LIPG: variants seen among roughly 807,000 people sequenced by gnomAD.
LIPG encodes the protein endothelial lipase.
In LIPG, 34 loss-of-function variants were observed where a neutral mutation model predicts 51.8. The ratio of observed to expected loss-of-function variants is 0.66; its 90% CI spans 0.50 to 0.87. LIPG has a LOEUF of 0.87. Ranked by LOEUF, LIPG falls within the 40% of genes least tolerant of loss-of-function variation. LIPG has a pLI of 0.00. For missense variants in LIPG, 580 were observed against 652.7 expected (o/e 0.89, Z 1.21); for synonymous variants, 246 against 246.1 (o/e 1.00, Z 0.00).
intron 1 of LIPG, among the ~76,000 whole-genome samples, chr18:49,563,078 T>C (rs1600539897): frequency 6.6e-6 from 1 of 152,140 alleles, no homozygotes; most frequent in Admixed American, 6.5e-5. Context: ...CAGCTTGCCC[T>C]GGGGGAGCCA....
chr18:49,563,147 A>T (rs529553835), intron 1 of LIPG, among the ~76,000 whole-genome samples: 1 of 152,322 alleles, frequency 6.6e-6, no homozygotes, highest in Non-Finnish European at 1.5e-5. Flanking sequence ...GCTGATAAGC[A>T]GTGGAGGGCT....
chr18:49,588,566 C>T (rs540592608), intron 9 of LIPG, among the ~76,000 whole-genome samples: 16 of 152,294 alleles, frequency 1.1e-4, no homozygotes, highest in South Asian at 1.0e-3. Context: ...TCCAAAAGTG[C>T]TGGCATTACA....
At chr18:49,562,477 C>A in intron 1 of LIPG, 72 bp downstream of exon 1, 1 of 1,303,042 alleles carries the variant, frequency 7.7e-7, no homozygotes, top group Non-Finnish European at 1.1e-6. Flanking sequence ...GCTGATTCTT[C>A]AAACCCTCCT....
In LIPG at chr18:49,582,409, G is replaced by C. The variant is rs1265775995; in HGVS notation, c.1084G>C (p.Gly362Arg). ...CCATGTCTTCAGTTACAAGAACATG[G>C]GAGAAATTGAGCCCACCTTTTACGT... ...KIHVFSYKNM[G>R]EIEPTFYVTL... is the part of the protein sequence containing the mutation. Residue 362 changes from glycine to arginine, a missense_variant, in exon 7 of 10, where the codon GGA becomes CGA. Coordinates refer to ENST00000261292, the MANE Select transcript of LIPG (RefSeq NM_006033.4). The C allele has an allele frequency of 6.2e-7, 1 of 1,614,126 alleles. No homozygotes were observed. The highest frequency in any genetic ancestry group is 8.5e-7 in the Non-Finnish European group (1 of 1,179,978).
At chr18:49,563,111 T>C (rs2084569072) in intron 1 of LIPG, among the ~76,000 whole-genome samples, 1 of 151,768 alleles carries the variant, frequency 6.6e-6, no homozygotes, top group Admixed American at 6.6e-5. Context: ...TCTGGGGGAG[T>C]CAGAATCAGA....
chr18:49,585,902 G>T (rs566109239), intron 8 of LIPG, among the ~76,000 whole-genome samples: 2 of 152,162 alleles, frequency 1.3e-5, no homozygotes, highest in Non-Finnish European at 2.9e-5. Flanking sequence ...CTGATTGTGC[G>T]TGAGATAGGT....
intron 6 of LIPG, chr18:49,581,883 A>G: frequency 1.6e-6 from 1 of 611,052 alleles, no homozygotes; most frequent in East Asian, 2.7e-5. Flanking sequence ...TGATCACAAT[A>G]TCAATATCTT....
intron 1 of LIPG, 43 bp downstream of exon 1, chr18:49,562,448 G>A (rs561351463): frequency 2.0e-6 from 3 of 1,534,442 alleles, no homozygotes; most frequent in Non-Finnish European, 2.7e-6. Flanking sequence ...ACTTCTCTGT[G>A]CTGGGTCCCC....
rs2084946223 is a variant in LIPG, at chr18:49,591,707, C to T, written c.*1185C>T. ...TTCTAGATCTTGATTTGAATTAATA[C>T]ACACAATATCTGAGACACTTACACT... is the stretch of plus-strand genomic sequence containing the variant. On this transcript the variant is annotated 3_prime_UTR_variant, in exon 10 of 10. Transcript: ENST00000261292. The T allele has an allele frequency of 1.3e-5, 2 of 152,168 alleles. No individual in the cohort carries two copies. The highest frequency in any genetic ancestry group is 1.3e-4 in the Admixed American group (2 of 15,270). 9.4% of individuals were successfully genotyped at this position (152,168 alleles called of 1,614,324 possible). A position where few individuals can be genotyped will look rare whatever the true frequency, so the allele number is the denominator to read the frequency against.
At chr18:49,586,925 A>T in intron 9 of LIPG, 75 bp downstream of exon 9, 1 of 1,089,370 alleles carries the variant, frequency 9.2e-7, no homozygotes, top group Non-Finnish European at 1.4e-6. Flanking sequence ...CTGGGGATGG[A>T]TCTGGGTGCC....
At chr18:49,577,774 G>C (rs1333625179) in intron 5 of LIPG, among the ~76,000 whole-genome samples, 3 of 108,206 alleles carry the variant, frequency 2.8e-5, no homozygotes, top group African/African-American at 4.2e-5. Context: ...TCCCGGATGG[G>C]GCGGCTGGCC....
At chr18:49,569,331 G>A in intron 3 of LIPG, 106 bp from the exon 4 acceptor site, 1 of 918,736 alleles carries the variant, frequency 1.1e-6, no homozygotes, top group Non-Finnish European at 1.8e-6. Flanking sequence ...TGTGCCCACG[G>A]CCCCTGCATC....
chr18:49,590,647 T>G lies in LIPG; in HGVS notation c.*125T>G. ...CTTCTCAGCCTTGACCCTGGAGCACTGGGAACAACTGGTCTCCTGTGATGG... is the reference window on the plus strand; with the variant it reads ...CTTCTCAGCCTTGACCCTGGAGCACGGGGAACAACTGGTCTCCTGTGATGG... On this transcript the variant is annotated 3_prime_UTR_variant, in exon 10 of 10. Transcript: ENST00000261292. 2 of 963,704 alleles carry G rather than the reference T, an allele frequency of 2.1e-6. No individual in the cohort carries two copies. Among genetic ancestry groups the G allele is most frequent in the Non-Finnish European group, 1.6e-6 (1 of 616,594 alleles). The allele number at this position is 963,704 out of a possible 1,614,324, so 59.7% of individuals were successfully genotyped here.
At chr18:49,572,620 A>T (rs2084675340) in intron 4 of LIPG, among the ~76,000 whole-genome samples, 1 of 151,044 alleles carries the variant, frequency 6.6e-6, no homozygotes, top group Non-Finnish European at 1.5e-5. Context: ...AATCCTAGCT[A>T]CTCGGGATGC....
intron 2 of LIPG, among the ~76,000 whole-genome samples, chr18:49,565,792 T>G (rs1007604377): frequency 6.6e-6 from 1 of 152,206 alleles, no homozygotes; most frequent in Non-Finnish European, 1.5e-5. Flanking sequence ...TTACACTTAA[T>G]TACGCTGGTC....
chr18:49,578,647 G>A (rs1220988682), intron 5 of LIPG, among the ~76,000 whole-genome samples: 2 of 151,172 alleles, frequency 1.3e-5, no homozygotes, highest in East Asian at 3.9e-4. Flanking sequence ...CTGCAATCTC[G>A]GCACTTTGGG....
chr18:49,596,635 C>CAAAAAAAAAA lies in LIPG; in HGVS notation c.*6127_*6136dup, dbSNP rs35773018. ...GGGCAACAAGAGCAAATCTCTATCT[C>CAAAAAAAAAA]AAAAAAAAAAAAAAAAAAAAAAAGG... On this transcript the variant is annotated 3_prime_UTR_variant, in exon 10 of 10. Coordinates refer to ENST00000261292, the MANE Select transcript of LIPG (RefSeq NM_006033.4). 1.8e-5 allele frequency: 1 copy of CAAAAAAAAAA among 55,946 alleles called. No individual in the cohort carries two copies. Among genetic ancestry groups the CAAAAAAAAAA allele is most frequent in the Admixed American group, 2.3e-4 (1 of 4,304 alleles). The allele number at this position is 55,946 out of a possible 1,614,324, so 3.5% of individuals were successfully genotyped here.
At chr18:49,578,684 T>G (rs62101698) in intron 5 of LIPG, among the ~76,000 whole-genome samples, 12,125 of 148,170 alleles carry the variant, frequency 0.082, 532 homozygotes, top group Middle Eastern at 0.14. Context: ...CTGGGAGGTG[T>G]AGGTTGTAGT....
rs1018967142 is a variant in LIPG, at chr18:49,562,359, T to C, written c.51T>C (p.Phe17=). The C allele has an allele frequency of 3.1e-6, 5 of 1,613,868 alleles. No individual in the cohort carries two copies. The Admixed American group carries it at 8.3e-5, about 27-fold the overall frequency. The part of the protein sequence containing the change: ...LLCFWSLCYC[F]AAGSPVPFGP... ...GTTTCTGGAGCCTCTGCTATTGCTT[T>C]GCTGCGGGGAGCCCCGTACCTTTTG... The change falls in exon 1 of 10, where the codon TTT becomes TTC. Residue 17 remains phenylalanine, a synonymous_variant. Transcript: ENST00000261292.
Sources: allele counts gnomAD v4.1 joint callset (sites outside exome capture counted in the v4.1 genomes callset), GRCh38; gene constraint gnomAD v4.1.1; transcripts MANE v1.5; gene names NCBI Gene and HGNC (gene_info 2026-07-23, HGNC 2026-07-21).